The following GON4L variants were observed in gnomAD, a reference collection of about 807,000 sequenced individuals.
The protein encoded by GON4L is GON-4-like protein.
In GON4L, 87 loss-of-function variants were observed where a neutral mutation model predicts 211.8. The ratio of observed to expected loss-of-function variants is 0.41; its 90% CI spans 0.35 to 0.49. The LOEUF is 0.49. Ranked by LOEUF, GON4L falls within the 20% of genes least tolerant of loss-of-function variation. The pLI is 0.15. For synonymous variants in GON4L, 875 were observed against 962.6 expected (o/e 0.91, Z 1.68); for missense variants, 2,155 against 2,659.5 (o/e 0.81, Z 4.17).
At position 155,824,780 on chromosome 1, in the gene GON4L, AG is replaced by A. The variant is rs1454590256; in HGVS notation, c.697+2056del. ...TCTGTCGCAAAAAAAAAAAAAAAAA[AG>A]AAGAAGAAGAATTGAATGGGTAACA... On this transcript the variant is annotated intron_variant, in intron 3 of 31. Coordinates refer to ENST00000368331, the MANE Select transcript of GON4L (RefSeq NM_001282860.2). Among the ~76,000 whole-genome samples the A allele has an allele frequency of 3.8e-3, 542 of 141,984 alleles. 3 individuals carry two copies. The highest frequency in any genetic ancestry group is 0.013 in the African/African-American group (529 of 39,420). The allele number at this position is 141,984 out of a possible 152,430, so 93.1% of individuals were successfully genotyped here. A position where few individuals can be genotyped will look rare whatever the true frequency, so the allele number is the denominator to read the frequency against.
chr1:155,779,560 C>T (rs938104621), intron 14 of GON4L, among the ~76,000 whole-genome samples: 4 of 152,070 alleles, frequency 2.6e-5, no homozygotes, highest in African/African-American at 9.7e-5. Flanking sequence ...CATGATCCAC[C>T]TGCCTCGGCC....
Position 155,765,171 on chromosome 1 carries a change from TG to T in GON4L, c.4301del (p.Ser1434TyrfsTer64). ...LSSPPGKPEDSSSVDGQSVGT... is the reference protein window; with the variant it reads ...LSSPPGKPEDXSSVDGQSVGT... ...CCACTGACTGACCATCAACACTGGA[TG>T]AATCTTCTGGCTTCCCTGGGGGGCT... On this transcript the variant is annotated frameshift_variant, in exon 21 of 32. Transcript: ENST00000368331. LOFTEE classifies it high-confidence loss of function. 6.2e-7 allele frequency: 1 copy of T among 1,614,234 alleles called. No homozygotes were observed. Among genetic ancestry groups the T allele is most frequent in the Admixed American group, 1.7e-5 (1 of 60,024 alleles).
chr1:155,838,103 CAAAA>C (rs34713220), intron 2 of GON4L, among the ~76,000 whole-genome samples: 2 of 151,366 alleles, frequency 1.3e-5, no homozygotes, highest in Non-Finnish European at 2.9e-5. Context: ...TAAAACAAAA[CAAAA>C]AAAATTAGCC....
chr1:155,776,508 T>G, intron 15 of GON4L, 27 bp from the exon 16 acceptor site: 3 of 1,495,504 alleles, frequency 2.0e-6, no homozygotes, highest in Non-Finnish European at 1.9e-6. Flanking sequence ...AATGATGAAG[T>G]GACATGTTAC....
At chr1:155,830,036 C>T (rs553847250) in intron 2 of GON4L, among the ~76,000 whole-genome samples, 16 of 151,868 alleles carry the variant, frequency 1.1e-4, no homozygotes, top group African/African-American at 3.4e-4. Flanking sequence ...CTGCAACCTC[C>T]GTATCCTAGG....
Position 155,805,158 on chromosome 1 carries a change from GA to G in GON4L, c.1453-18del. The G allele has an allele frequency of 3.2e-6, 5 of 1,584,790 alleles. No homozygotes were observed. The highest frequency in any genetic ancestry group is 4.3e-6 in the Non-Finnish European group (5 of 1,153,300). ...ATCCATGGGCTGGACAATGGAGAAAGAAAAGTCACTGAGTGAGTGATGTTTC... is the reference window on the plus strand; with the variant it reads ...ATCCATGGGCTGGACAATGGAGAAAGAAAGTCACTGAGTGAGTGATGTTTC... On this transcript the variant is annotated intron_variant, in intron 10 of 31. Coordinates refer to ENST00000368331, the MANE Select transcript of GON4L (RefSeq NM_001282860.2).
At chr1:155,769,662 A>C (rs973120315) in intron 19 of GON4L, among the ~76,000 whole-genome samples, 2 of 152,172 alleles carry the variant, frequency 1.3e-5, no homozygotes, top group African/African-American at 4.8e-5. Flanking sequence ...AAATGCGATT[A>C]TTTACTCCAA....
At chr1:155,843,559 C>A (rs776752893) in intron 2 of GON4L, among the ~76,000 whole-genome samples, 1 of 152,156 alleles carries the variant, frequency 6.6e-6, no homozygotes, top group Non-Finnish European at 1.5e-5. Context: ...ATCTTTTGCA[C>A]AAATTGTTGT....
chr1:155,854,908 G>A (rs981626801), intron 1 of GON4L, among the ~76,000 whole-genome samples: 5 of 151,968 alleles, frequency 3.3e-5, no homozygotes, highest in African/African-American at 4.8e-5. Context: ...GGTGGCACAC[G>A]CCTGTGATCC....
At chr1:155,797,885 C>T (rs1666234708) in intron 11 of GON4L, among the ~76,000 whole-genome samples, 1 of 149,102 alleles carries the variant, frequency 6.7e-6, no homozygotes, top group Non-Finnish European at 1.5e-5. Context: ...TATATATATC[C>T]TGGGCAACAC....
intron 2 of GON4L, among the ~76,000 whole-genome samples, chr1:155,831,322 T>C (rs936049196): frequency 5.3e-5 from 8 of 152,086 alleles, no homozygotes; most frequent in African/African-American, 1.9e-4. Context: ...TGTGGCTTCA[T>C]GCCTGTAATT....
At chr1:155,797,678 T>G (rs1168782355) in intron 11 of GON4L, among the ~76,000 whole-genome samples, 1 of 134,380 alleles carries the variant, frequency 7.4e-6, no homozygotes, top group African/African-American at 2.9e-5. Flanking sequence ...ACCCCCCCCC[T>G]CCCGTCTCTA....
At chr1:155,761,175 GTTTTTTTTTTTT>G (rs921323729) in intron 23 of GON4L, among the ~76,000 whole-genome samples, 1 of 109,540 alleles carries the variant, frequency 9.1e-6, no homozygotes, top group Non-Finnish European at 1.8e-5. Context: ...CTTATGTGTG[GTTTTTTTTTTTT>G]TTTTTTTTTT....
chr1:155,826,163 A>T (rs1427510752), intron 3 of GON4L, among the ~76,000 whole-genome samples: 1 of 152,092 alleles, frequency 6.6e-6, no homozygotes, highest in African/African-American at 2.4e-5. Context: ...GTAAGCCGTG[A>T]TGGCACCACT....
At chr1:155,789,528 C>T (rs1051489125) in intron 12 of GON4L, among the ~76,000 whole-genome samples, 6 of 151,840 alleles carry the variant, frequency 4.0e-5, no homozygotes, top group Non-Finnish European at 8.8e-5. Context: ...GTAATCTCAG[C>T]TGGTCAGGAG....
chr1:155,824,434 C>CAAAA (rs769823401), intron 3 of GON4L, among the ~76,000 whole-genome samples: 1 of 7,418 alleles, frequency 1.3e-4, no homozygotes, highest in African/African-American at 5.2e-4. Flanking sequence ...AACTCCACAT[C>CAAAA]AAAAAAAAAA....
chr1:155,846,298 G>A (rs548366919), intron 2 of GON4L: 38 of 159,018 alleles, frequency 2.4e-4, no homozygotes, highest in African/African-American at 6.9e-4. Flanking sequence ...CGAGGCGGGC[G>A]GATCACAAGG....
intron 12 of GON4L, among the ~76,000 whole-genome samples, chr1:155,792,896 A>ACGGG (rs1188562163): frequency 6.6e-6 from 1 of 152,018 alleles, no homozygotes; most frequent in African/African-American, 2.4e-5. Flanking sequence ...AGCTGGGACT[A>ACGGG]CGGGCATGCA....
At chr1:155,795,522 T>C (rs998878176) in intron 11 of GON4L, among the ~76,000 whole-genome samples, 2 of 152,224 alleles carry the variant, frequency 1.3e-5, no homozygotes, top group South Asian at 4.1e-4. Flanking sequence ...TATAATTTCT[T>C]AGTATAAAAT....
Sources: gnomAD v4.1 joint callset for allele counts (sites outside exome capture counted in the v4.1 genomes callset) on GRCh38, gnomAD v4.1.1 for gene constraint, MANE v1.5 for transcripts, NCBI Gene and HGNC (gene_info 2026-07-23, HGNC 2026-07-21) for gene names.